The following CFAP221 variants were observed in gnomAD, a reference collection of about 807,000 sequenced individuals.
The protein encoded by CFAP221 is cilia and flagella associated protein 221, also known as cilia- and flagella-associated protein 221.
In CFAP221, 97 loss-of-function variants were observed where a neutral mutation model predicts 113.1. The observed-to-expected ratio is 0.86, with a 90% CI of 0.73 to 1.02. The LOEUF is 1.02. Among genes scored for constraint, CFAP221 ranks in the 50% least tolerant of loss-of-function variants. The pLI, the probability that CFAP221 is intolerant of heterozygous loss-of-function variation, is 0.00. For synonymous variants in CFAP221, 331 were observed against 354.4 expected (o/e 0.93, Z 0.74); for missense variants, 1,025 against 1,013.4 (o/e 1.01, Z -0.16).
chr2:119,626,305 A>G lies in CFAP221; in HGVS notation c.1516+617A>G, dbSNP rs939906471. On this transcript the variant is annotated intron_variant, in intron 15 of 23. Coordinates refer to ENST00000413369, the MANE Select transcript of CFAP221 (RefSeq NM_001271049.2). ...TTACCATGGAAGATAACACATTCAC[A>G]GGCCCCTGGGAATGGGATGTGGGTA... Among the ~76,000 whole-genome samples, 6 of 152,314 alleles carry G rather than the reference A, an allele frequency of 3.9e-5. No individual in the cohort carries two copies. In the East Asian group the frequency reaches 7.7e-4, roughly 20 times the overall value.
In CFAP221 at chr2:119,631,416, G is replaced by A. The variant is rs545348495; in HGVS notation, c.1974+515G>A. 1.7e-3 allele frequency among the ~76,000 whole-genome samples: 262 copies of A among 152,334 alleles called. 1 individual carries two copies. The highest frequency in any genetic ancestry group is 5.8e-3 in the African/African-American group (240 of 41,574). The stretch of plus-strand genomic sequence containing the variant: ...AGGCCGGGCACAGTGGCTCATGCCT[G>A]TAATCCCAACACTTTAGGAAGCCAA... On this transcript the variant is annotated intron_variant, in intron 19 of 23. Transcript: ENST00000413369.
At chr2:119,562,290 G>T (rs145067020) in intron 6 of CFAP221, among the ~76,000 whole-genome samples, 176 bp downstream of exon 6, 1 of 146,222 alleles carries the variant, frequency 6.8e-6, no homozygotes, top group Non-Finnish European at 1.5e-5. Flanking sequence ...CCAAACATGC[G>T]TCAAAAGATC....
chr2:119,612,052 G>A (rs561728210), intron 13 of CFAP221, among the ~76,000 whole-genome samples: 3 of 152,128 alleles, frequency 2.0e-5, no homozygotes, highest in African/African-American at 4.8e-5. Context: ...CCTCAAGGTG[G>A]GTCCCTTGGC....
Position 119,615,641 on chromosome 2 carries a change from C to T in CFAP221, c.1342C>T (p.Pro448Ser), listed in dbSNP as rs1192717886. Residue 448 changes from proline to serine, a missense_variant, in exon 14 of 24, where the codon CCA becomes TCA. Physicochemically the swap from Pro to Ser is moderately conservative, Grantham distance 74. Transcript: ENST00000413369. ...CAAGGAATTTCATCCTACTTTTGATCCACTCATTAATAACACTTGGCTCAG... is the reference window on the plus strand; with the variant it reads ...CAAGGAATTTCATCCTACTTTTGATTCACTCATTAATAACACTTGGCTCAG... ...KIKEFHPTFD[P>S]LINNTWLSRS... The T allele has an allele frequency of 1.9e-6, 3 of 1,610,544 alleles. No individual in the cohort carries two copies. In the East Asian group the frequency reaches 6.7e-5, roughly 36 times the overall value.
intron 2 of CFAP221, among the ~76,000 whole-genome samples, chr2:119,546,554 A>C (rs977186918): frequency 1.3e-5 from 2 of 150,968 alleles, no homozygotes; most frequent in Non-Finnish European, 3.0e-5. Context: ...GGCAGCTGGG[A>C]CTCCTCCCCC....
At chr2:119,583,782 T>C (rs137859764) in intron 6 of CFAP221, among the ~76,000 whole-genome samples, 22 of 152,268 alleles carry the variant, frequency 1.4e-4, no homozygotes, top group African/African-American at 5.1e-4. Context: ...ATGAACAGGA[T>C]TAGTGTCCTT....
chr2:119,625,781 A>C (rs771672904), intron 15 of CFAP221, 93 bp downstream of exon 15: 2 of 1,037,538 alleles, frequency 1.9e-6, no homozygotes, highest in Non-Finnish European at 2.8e-6. Flanking sequence ...TATGCAAATA[A>C]AAAATTTTCA....
chr2:119,572,620 A>G, intron 6 of CFAP221: 1 of 694,928 alleles, frequency 1.4e-6, no homozygotes, highest in Non-Finnish European at 2.6e-6. Flanking sequence ...TTGCTCTCCC[A>G]TCAACTCATT....
chr2:119,652,118 T>A (rs766895860), intron 23 of CFAP221, 49 bp downstream of exon 23: 1 of 1,468,518 alleles, frequency 6.8e-7, no homozygotes, highest in Non-Finnish European at 9.5e-7. Flanking sequence ...TGGATGAAAT[T>A]TGTTCTGCAT....
At chr2:119,596,907 G>A (rs893185101) in intron 7 of CFAP221, among the ~76,000 whole-genome samples, 33 of 152,268 alleles carry the variant, frequency 2.2e-4, no homozygotes, top group South Asian at 1.5e-3. Flanking sequence ...GCTGTGGATC[G>A]CCTGCACTTG....
chr2:119,628,712 A>G (rs1686549891), intron 16 of CFAP221, among the ~76,000 whole-genome samples: 1 of 152,240 alleles, frequency 6.6e-6, no homozygotes, highest in South Asian at 2.1e-4. Context: ...CAGGTAATCT[A>G]CTCAAGAATT....
At chr2:119,621,157 G>A (rs1486423315) in intron 14 of CFAP221, among the ~76,000 whole-genome samples, 1 of 151,700 alleles carries the variant, frequency 6.6e-6, no homozygotes, top group Non-Finnish European at 1.5e-5. Context: ...CCCGGGAGGC[G>A]GAGACTGTGG....
At chr2:119,566,902 A>G in intron 6 of CFAP221, among the ~76,000 whole-genome samples, 1 of 152,122 alleles carries the variant, frequency 6.6e-6, no homozygotes, top group Non-Finnish European at 1.5e-5. Context: ...ATGTAGCATA[A>G]AATTTACCAT....
chr2:119,572,777 C>T, intron 6 of CFAP221: 1 of 540,780 alleles, frequency 1.8e-6, no homozygotes, highest in East Asian at 2.8e-5. Flanking sequence ...ATGCCATGGG[C>T]AAGGCCGCCA....
chr2:119,625,670 A>G lies in CFAP221; in HGVS notation c.1498A>G (p.Lys500Glu). ...TATACTGAGAAAGATTGGCCAAGCA[A>G]AACAATCGATAGCACAAGGTGAAGT... The part of the protein sequence containing the change: ...ESILRKIGQA[K>E]QSIAQEANFF... The change falls in exon 15 of 24, where the codon AAA becomes GAA. Residue 500 changes from lysine (K) to glutamate (E), a missense_variant. Transcript: ENST00000413369. The G allele has an allele frequency of 6.2e-7, 1 of 1,609,932 alleles. No individual in the cohort carries two copies. Among genetic ancestry groups the G allele is most frequent in the Non-Finnish European group, 8.5e-7 (1 of 1,176,124 alleles).
chr2:119,591,420 G>A (rs1399835482), intron 7 of CFAP221, among the ~76,000 whole-genome samples: 4 of 152,202 alleles, frequency 2.6e-5, no homozygotes, highest in Non-Finnish European at 4.4e-5. Flanking sequence ...TTTACCTGGT[G>A]CTCAATATAC....
At chr2:119,604,208 G>A (rs534225020) in intron 8 of CFAP221, among the ~76,000 whole-genome samples, 1 of 152,230 alleles carries the variant, frequency 6.6e-6, no homozygotes, top group East Asian at 1.9e-4. Context: ...GGCAGAGGCT[G>A]GTGGATCACA....
intron 7 of CFAP221, among the ~76,000 whole-genome samples, chr2:119,597,713 A>C (rs1684087947): frequency 6.6e-6 from 1 of 152,124 alleles, no homozygotes; most frequent in African/African-American, 2.4e-5. Context: ...GGGCCTCAAG[A>C]GCTCTGTTAT....
intron 19 of CFAP221, 88 bp from the exon 20 acceptor site, chr2:119,638,171 G>A (rs1243639686): frequency 1.4e-6 from 2 of 1,403,540 alleles, no homozygotes; most frequent in Non-Finnish European, 1.0e-6. Context: ...GCTAGTGGGA[G>A]CCACAGACAG....
Sources: allele counts gnomAD v4.1 joint callset (sites outside exome capture counted in the v4.1 genomes callset), GRCh38; gene constraint gnomAD v4.1.1; transcripts MANE v1.5; gene names NCBI Gene and HGNC (gene_info 2026-07-23, HGNC 2026-07-21).